The following YAP1 variants were observed in gnomAD, a reference collection of about 807,000 sequenced individuals.
YAP1 encodes transcriptional coactivator YAP1.
A neutral mutation model predicts 56.9 loss-of-function variants in YAP1; 5 were observed. The ratio of observed to expected loss-of-function variants is 0.09; its 90% CI spans 0.05 to 0.18. YAP1 has a LOEUF of 0.18. Ranked by LOEUF, YAP1 falls within the 10% of genes least tolerant of loss-of-function variation. YAP1 has a pLI of 1.00. For missense variants in YAP1, 539 were observed against 651.8 expected (o/e 0.83, Z 1.88); for synonymous variants, 265 against 248.1 (o/e 1.07, Z -0.64).
In YAP1 at chr11:102,229,708, C is replaced by G. The variant is rs979593484; in HGVS notation, c.1283C>G (p.Thr428Ser). The G allele has an allele frequency of 4.3e-6, 7 of 1,613,938 alleles. No homozygotes were observed. Among genetic ancestry groups the G allele is most frequent in the African/African-American group, 4.0e-5 (3 of 75,030 alleles). The change falls in exon 9 of 9, where the codon ACT becomes AGT. Residue 428 changes from threonine to serine, a missense_variant. Physicochemically the swap from Thr to Ser is moderately conservative, Grantham distance 58 (BLOSUM62 1). Transcript: ENST00000282441. ...CTCTGTGTGTTTCCACTAGGTGATACTATCAACCAAAGCACCCTGCCCTCA... is the reference window on the plus strand; with the variant it reads ...CTCTGTGTGTTTCCACTAGGTGATAGTATCAACCAAAGCACCCTGCCCTCA... The part of the protein sequence containing the change: ...NSVDEMDTGD[T>S]INQSTLPSQQ...
chr11:102,229,622 C>T, intron 8 of YAP1, 80 bp from the exon 9 acceptor site: 1 of 1,332,452 alleles, frequency 7.5e-7, no homozygotes. Context: ...TTTCCCTGTG[C>T]ATTTCTCTGT....
rs562159654 is a variant in YAP1, at chr11:102,138,745, G to T, written c.573-23711G>T. On this transcript the variant is annotated intron_variant, in intron 2 of 8. Transcript: ENST00000282441. ...TATTTGCTCTTCATTGAATGTTTCA[G>T]TTAATTTACAGACTAGTAAATTATC... Among the ~76,000 whole-genome samples the T allele has an allele frequency of 3.3e-5, 5 of 152,292 alleles. No homozygotes were observed. In the South Asian group the frequency reaches 1.0e-3, roughly 32 times the overall value.
chr11:102,141,071 G>A (rs1283110972), intron 2 of YAP1, among the ~76,000 whole-genome samples: 4 of 152,090 alleles, frequency 2.6e-5, no homozygotes, highest in African/African-American at 4.8e-5. Flanking sequence ...TTTCCGGAAC[G>A]ATTTAAATGA....
intron 6 of YAP1, among the ~76,000 whole-genome samples, chr11:102,221,566 A>T (rs1028604200): frequency 6.6e-6 from 1 of 152,048 alleles, no homozygotes; most frequent in African/African-American, 2.4e-5. Flanking sequence ...CTACAAAAAT[A>T]CAAAAAATTA....
intron 1 of YAP1, chr11:102,112,481 A>G (rs1456246780): frequency 1.0e-6 from 1 of 976,932 alleles, no homozygotes; most frequent in Non-Finnish European, 1.2e-6. Context: ...CAGCATAGGA[A>G]CTTTGCCCAA....
chr11:102,228,779 AGT>A (rs1950326006), intron 8 of YAP1, among the ~76,000 whole-genome samples: 1 of 152,052 alleles, frequency 6.6e-6, no homozygotes, highest in Non-Finnish European at 1.5e-5. Flanking sequence ...CAACTGCCAG[AGT>A]GCATGAATTG....
intron 6 of YAP1, among the ~76,000 whole-genome samples, chr11:102,212,742 C>A (rs890367892): frequency 4.6e-5 from 7 of 152,076 alleles, no homozygotes; most frequent in African/African-American, 1.7e-4. Context: ...CCACCATGCC[C>A]GGCTAATTTT....
At chr11:102,140,423 G>A (rs1944949441) in intron 2 of YAP1, among the ~76,000 whole-genome samples, 1 of 152,128 alleles carries the variant, frequency 6.6e-6, no homozygotes, top group Non-Finnish European at 1.5e-5. Flanking sequence ...TTCTATAAAA[G>A]AGAAGTATTT....
chr11:102,160,714 T>C (rs549147554), intron 2 of YAP1, among the ~76,000 whole-genome samples: 8 of 152,256 alleles, frequency 5.3e-5, no homozygotes, highest in African/African-American at 1.2e-4. Context: ...CAGTTGCCAG[T>C]AGTACGAGAA....
rs556547137 is a variant in YAP1, at chr11:102,213,756, G to A, written c.1032+4192G>A. Reference sequence around the variant, plus strand: ...TCTTCATTTCTGTTTTAAGGCTTAGGGTGAGATTCATTCCCAAGTGCCCTT... The same window carrying A: ...TCTTCATTTCTGTTTTAAGGCTTAGAGTGAGATTCATTCCCAAGTGCCCTT... On this transcript the variant is annotated intron_variant, in intron 6 of 8. Coordinates refer to ENST00000282441, the MANE Select transcript of YAP1 (RefSeq NM_001130145.3). Among the ~76,000 whole-genome samples the A allele has an allele frequency of 5.3e-5, 8 of 152,184 alleles. 1 individual carries two copies. The South Asian group carries it at 1.0e-3, about 20-fold the overall frequency.
In YAP1 at chr11:102,130,792, A is replaced by G. The variant is rs146353301; in HGVS notation, c.572+16398A>G. On this transcript the variant is annotated intron_variant, in intron 2 of 8. Transcript: ENST00000282441. ...GAGTTGTCCAAATACAGATGTTTCT[A>G]TTTTTCCTCTACACATGTTCAGACT... 4.9e-3 allele frequency among the ~76,000 whole-genome samples: 479 copies of G among 97,174 alleles called. 7 individuals are homozygous for G. The highest frequency in any genetic ancestry group is 0.017 in the African/African-American group (445 of 26,788). 63.7% of individuals were successfully genotyped at this position (97,174 alleles called of 152,430 possible). A position where few individuals can be genotyped will look rare whatever the true frequency, so the allele number is the denominator to read the frequency against.
intron 2 of YAP1, among the ~76,000 whole-genome samples, chr11:102,154,243 C>T (rs1207400602): frequency 6.6e-6 from 1 of 152,128 alleles, no homozygotes; most frequent in Non-Finnish European, 1.5e-5. Context: ...AACAAATGTT[C>T]TGATTCTGGT....
At position 102,110,680 on chromosome 11, in the gene YAP1, G is replaced by C. The variant is rs1942834676; in HGVS notation, c.-169G>C. ...CGCAGGGCGGGGGCGGAGGCGCCGG[G>C]GCGGGGGATGCGGGGCCGCGGCGCA... On this transcript the variant is annotated 5_prime_UTR_variant, in exon 1 of 9. Coordinates refer to ENST00000282441, the MANE Select transcript of YAP1 (RefSeq NM_001130145.3). The C allele has an allele frequency of 2.2e-6, 1 of 464,446 alleles. No individual in the cohort carries two copies. The highest frequency in any genetic ancestry group is 3.1e-6 in the Non-Finnish European group (1 of 321,832). 28.8% of individuals were successfully genotyped at this position (464,446 alleles called of 1,614,324 possible). A position where few individuals can be genotyped will look rare whatever the true frequency, so the allele number is the denominator to read the frequency against.
At chr11:102,201,074 G>A (rs1014196139) in intron 4 of YAP1, among the ~76,000 whole-genome samples, 2 of 152,148 alleles carry the variant, frequency 1.3e-5, no homozygotes, top group Non-Finnish European at 2.9e-5. Context: ...CTCCCGTATA[G>A]ACATCTACCC....
At chr11:102,182,844 G>A (rs1947708687) in intron 3 of YAP1, among the ~76,000 whole-genome samples, 1 of 152,108 alleles carries the variant, frequency 6.6e-6, no homozygotes. Flanking sequence ...TTAAATGAAA[G>A]ATAAAATGAA....
chr11:102,183,852 G>A (rs1481733127), intron 3 of YAP1, among the ~76,000 whole-genome samples: 9 of 151,684 alleles, frequency 5.9e-5, no homozygotes, highest in South Asian at 2.1e-4. Context: ...CGAGGCGGGC[G>A]GATCACGAGG....
chr11:102,186,462 A>G (rs1450559099), intron 4 of YAP1: 2 of 304,018 alleles, frequency 6.6e-6, no homozygotes, highest in African/African-American at 2.3e-5. Flanking sequence ...AATAATAATC[A>G]GGCTGTCATG....
At chr11:102,154,437 G>A (rs1389396591) in intron 2 of YAP1, among the ~76,000 whole-genome samples, 2 of 152,038 alleles carry the variant, frequency 1.3e-5, no homozygotes, top group Non-Finnish European at 2.9e-5. Context: ...TGATTTGTAT[G>A]AGTGTCTAGC....
intron 2 of YAP1, among the ~76,000 whole-genome samples, chr11:102,138,770 C>T (rs1244132911): frequency 6.6e-6 from 1 of 152,168 alleles, no homozygotes; most frequent in East Asian, 1.9e-4. Flanking sequence ...AGTAAATTAT[C>T]TGAGTCATCA....
Sources: allele counts gnomAD v4.1 joint callset (sites outside exome capture counted in the v4.1 genomes callset), GRCh38; gene constraint gnomAD v4.1.1; transcripts MANE v1.5; gene names NCBI Gene and HGNC (gene_info 2026-07-23, HGNC 2026-07-21).